FMR1NB: variants seen among roughly 807,000 people sequenced by gnomAD.
FMR1NB encodes FMR1 neighbor protein.
Under a neutral mutation model 16.8 loss-of-function variants are expected in FMR1NB, and 10 were observed. The ratio of observed to expected loss-of-function variants is 0.60; its 90% CI spans 0.37 to 1.01. The LOEUF (loss-of-function observed/expected upper bound fraction) is 1.01. Among genes scored for constraint, FMR1NB ranks in the 50% least tolerant of loss-of-function variants. FMR1NB has a pLI of 0.01. For synonymous variants in FMR1NB, 83 were observed against 79.1 expected (o/e 1.05, Z -0.26); for missense variants, 205 against 204.8 (o/e 1.00, Z 0.00).
At chrX:148,023,288 T>C (rs2044688329) in intron 4 of FMR1NB, among the ~76,000 whole-genome samples, 1 of 111,592 alleles carries the variant, frequency 9.0e-6, no homozygotes, top group Non-Finnish European at 1.9e-5. Context: ...CATAGATAAA[T>C]CATATAAATA....
chrX:148,000,410 A>G (rs2124618663), intron 1 of FMR1NB, among the ~76,000 whole-genome samples: 1 of 111,995 alleles, frequency 8.9e-6, no homozygotes, highest in Non-Finnish European at 1.9e-5. Flanking sequence ...TTTATGAATG[A>G]AACAGGTATA....
chrX:147,995,017 T>A (rs912418331), intron 1 of FMR1NB, among the ~76,000 whole-genome samples: 16 of 111,715 alleles, frequency 1.4e-4, no homozygotes, highest in Middle Eastern at 4.7e-3. Flanking sequence ...AAGTGTATTT[T>A]AATCCACTAT....
intron 2 of FMR1NB, among the ~76,000 whole-genome samples, chrX:148,005,886 A>G (rs2044593564): frequency 8.9e-6 from 1 of 112,501 alleles, no homozygotes. Flanking sequence ...ATTATAAAAT[A>G]TCAGTTACTA....
chrX:148,011,909 C>G lies in FMR1NB; in HGVS notation c.632+3198C>G, dbSNP rs782452449. On this transcript the variant is annotated intron_variant, in intron 4 of 5. Coordinates refer to ENST00000370467, the MANE Select transcript of FMR1NB (RefSeq NM_152578.3). ...CACAGAGGACTCAAGCCGGTTTGAA[C>G]TGGTTGCACATACAAAAGGAAGCAG... 2.7e-5 allele frequency among the ~76,000 whole-genome samples: 3 copies of G among 111,799 alleles called. No individual in the cohort carries two copies. In the South Asian group the frequency reaches 1.1e-3, roughly 42 times the overall value.
chrX:147,982,588 CAAAA>C (rs79206034), intron 1 of FMR1NB, among the ~76,000 whole-genome samples: 1 of 28,466 alleles, frequency 3.5e-5, no homozygotes, highest in Non-Finnish European at 5.8e-5. Flanking sequence ...GACTCCGTCT[CAAAA>C]AAAAAAAAAA....
chrX:148,006,071 G>A (rs1355810527), intron 2 of FMR1NB, among the ~76,000 whole-genome samples: 6 of 111,480 alleles, frequency 5.4e-5, no homozygotes, highest in Admixed American at 9.5e-5. Context: ...AGCTATTTGA[G>A]CTTGCAGGTC....
At chrX:147,999,144 G>A (rs1158288995) in intron 1 of FMR1NB, among the ~76,000 whole-genome samples, 3 of 111,684 alleles carry the variant, frequency 2.7e-5, no homozygotes, top group African/African-American at 9.8e-5. Context: ...AGCAGGGTCT[G>A]GAGGCTAGGG....
intron 4 of FMR1NB, among the ~76,000 whole-genome samples, chrX:148,016,912 A>G (rs1338626208): frequency 2.7e-5 from 3 of 111,194 alleles, no homozygotes; most frequent in Non-Finnish European, 1.9e-5. Flanking sequence ...CTTTGTTATA[A>G]TATTTTGTGG....
rs1295805027 is a variant in FMR1NB, at chrX:148,003,188, ACTT to A, written c.278-6_278-4del. 2.5e-6 allele frequency: 3 copies of A among 1,201,119 alleles called. No individual in the cohort carries two copies. The highest frequency in any genetic ancestry group is 2.2e-5 in the Admixed American group (1 of 45,038). On this transcript the variant is annotated splice_polypyrimidine_tract_variant and intron_variant, in intron 1 of 5. Coordinates refer to ENST00000370467, the MANE Select transcript of FMR1NB (RefSeq NM_152578.3). ...TTTATATGTTGGGATTAATAATTTT[ACTT>A]CTTCTTAAGGGTCCTCATATTTTGT...
intron 1 of FMR1NB, among the ~76,000 whole-genome samples, chrX:147,998,155 G>A (rs868933485): frequency 8.9e-5 from 10 of 112,328 alleles, no homozygotes; most frequent in African/African-American, 1.9e-4. Context: ...ACATGCACAC[G>A]TATGTTTATT....
chrX:148,018,079 G>A (rs2124627453), intron 4 of FMR1NB, among the ~76,000 whole-genome samples: 1 of 108,441 alleles, frequency 9.2e-6, no homozygotes, highest in South Asian at 4.1e-4. Flanking sequence ...TGGGTCAAAT[G>A]GTATTTCTAG....
At chrX:147,986,843 C>G (rs1557187130) in intron 1 of FMR1NB, among the ~76,000 whole-genome samples, 2 of 111,677 alleles carry the variant, frequency 1.8e-5, no homozygotes, top group African/African-American at 6.5e-5. Context: ...GTAGTATTTT[C>G]TAGTTCTGTG....
chrX:148,020,359 G>T lies in FMR1NB; in HGVS notation c.633-4506G>T, dbSNP rs142219911. On this transcript the variant is annotated intron_variant, in intron 4 of 5. Transcript: ENST00000370467. Reference sequence around the variant, plus strand: ...ATCCAACAGCCAAGGCCCGGGATTGGGTACACTAAAAGCCCACTTGGTGCT... The same window carrying T: ...ATCCAACAGCCAAGGCCCGGGATTGTGTACACTAAAAGCCCACTTGGTGCT... Among the ~76,000 whole-genome samples, 844 of 111,989 alleles carry T rather than the reference G, an allele frequency of 7.5e-3. 5 individuals are homozygous for T. The highest frequency in any genetic ancestry group is 0.018 in the Middle Eastern group (4 of 219).
chrX:148,007,572 T>C (rs782423838), intron 3 of FMR1NB, among the ~76,000 whole-genome samples: 1 of 112,234 alleles, frequency 8.9e-6, no homozygotes, highest in Non-Finnish European at 1.9e-5. Context: ...TTTATAGGTG[T>C]GAGCCACCAC....
intron 1 of FMR1NB, among the ~76,000 whole-genome samples, chrX:148,000,942 A>G (rs1204381766): frequency 2.7e-5 from 3 of 112,079 alleles, no homozygotes; most frequent in Non-Finnish European, 3.8e-5. Context: ...AGTCATCTAT[A>G]TTTAGTGATA....
intron 1 of FMR1NB, among the ~76,000 whole-genome samples, chrX:147,983,809 C>G (rs1557186859): frequency 8.9e-6 from 1 of 111,890 alleles, no homozygotes; most frequent in Non-Finnish European, 1.9e-5. Context: ...GTTGCCAGAT[C>G]CAAGGTCATG....
chrX:148,004,286 C>T (rs1045085485), intron 2 of FMR1NB, among the ~76,000 whole-genome samples: 9 of 112,085 alleles, frequency 8.0e-5, no homozygotes, highest in African/African-American at 2.9e-4. Context: ...ATGATTTAAG[C>T]TTTAAAGCTT....
intron 4 of FMR1NB, among the ~76,000 whole-genome samples, chrX:148,015,678 A>T (rs1395823464): frequency 8.9e-6 from 1 of 112,222 alleles, no homozygotes; most frequent in Non-Finnish European, 1.9e-5. Context: ...TGGTGAGAGA[A>T]GATGCTTGTT....
intron 1 of FMR1NB, among the ~76,000 whole-genome samples, chrX:147,990,575 A>T (rs1032432252): frequency 8.9e-6 from 1 of 111,982 alleles, no homozygotes; most frequent in Non-Finnish European, 1.9e-5. Context: ...GATATCCATT[A>T]CCTCAAAAAT....
Sources: gnomAD v4.1 joint callset for allele counts (sites outside exome capture counted in the v4.1 genomes callset) on GRCh38, gnomAD v4.1.1 for gene constraint, MANE v1.5 for transcripts, NCBI Gene and HGNC (gene_info 2026-07-23, HGNC 2026-07-21) for gene names.